RNF157: variants seen among roughly 807,000 people sequenced by gnomAD.
RNF157 encodes the protein E3 ubiquitin ligase RNF157.
RNF157 carries 55 observed loss-of-function variants against 88.3 expected under a neutral mutation model. The observed-to-expected ratio is 0.62, with a 90% confidence interval of 0.50 to 0.78. The LOEUF (loss-of-function observed/expected upper bound fraction) is 0.78. RNF157 is among the 30% of genes least tolerant of loss of function. The probability of loss-of-function intolerance (pLI) is 0.00; values close to 1 mark genes in which losing one functional copy is unlikely to be tolerated. For missense variants in RNF157, 788 were observed against 860.8 expected (o/e 0.92, Z 1.06); for synonymous variants, 334 against 341.2 (o/e 0.98, Z 0.23).
chr17:76,167,888 T>C, intron 3 of RNF157, 91 bp from the exon 4 acceptor site: 1 of 1,233,432 alleles, frequency 8.1e-7, no homozygotes, highest in Non-Finnish European at 1.1e-6. Context: ...TGTGGGCTTC[T>C]CTGAATGATC....
rs908000531 is a variant in RNF157, at chr17:76,226,847, G to C, written c.88+13306C>G. ...TGGAATCGAGTAATGTGCTTAATTC[G>C]AAGGTGTCTTTGTCGGTTACAGCAA... On this transcript the variant is annotated intron_variant, in intron 1 of 18. Transcript: ENST00000269391. The C allele has an allele frequency of 4.2e-6, 6 of 1,445,304 alleles. No individual in the cohort carries two copies. The South Asian group carries it at 5.4e-5, about 13-fold the overall frequency. 89.5% of individuals were successfully genotyped at this position (1,445,304 alleles called of 1,614,324 possible).
At chr17:76,166,295 A>C (rs544683525) in intron 6 of RNF157, among the ~76,000 whole-genome samples, 166 bp downstream of exon 6, 3 of 152,282 alleles carry the variant, frequency 2.0e-5, no homozygotes, top group East Asian at 3.9e-4. Context: ...TTTTCACATC[A>C]GCCCAGGAGC....
intron 1 of RNF157, among the ~76,000 whole-genome samples, chr17:76,223,331 G>A (rs2070021473): frequency 6.6e-6 from 1 of 151,784 alleles, no homozygotes; most frequent in Admixed American, 6.6e-5. Context: ...GGGATTACAG[G>A]CATGTGCCAC....
chr17:76,145,286 G>C lies in RNF157; in HGVS notation c.1989C>G (p.Ser663Arg), dbSNP rs758580631. The C allele has an allele frequency of 1.2e-6, 2 of 1,610,262 alleles. No homozygotes were observed. The highest frequency in any genetic ancestry group is 1.7e-6 in the Non-Finnish European group (2 of 1,178,674). ...AGGGCCTCGTCTCAGAGTCCTCCAG[G>C]CTGCTGGATGACAAGCGCCGGCGCT... is the stretch of plus-strand genomic sequence containing the variant. ...NAQRRRLSSS[S>R]LEDSETRPCV... The change falls in exon 19 of 19, where the codon AGC becomes AGG. Residue 663 changes from serine to arginine, a missense_variant. Physicochemically the swap from Ser to Arg is moderately radical, Grantham distance 110 (BLOSUM62 -1). Coordinates refer to ENST00000269391, the MANE Select transcript of RNF157 (RefSeq NM_052916.3).
rs531073878 is a variant in RNF157, at chr17:76,144,514, A to C, written c.*721T>G. 1 of 152,302 alleles carries C rather than the reference A, an allele frequency of 6.6e-6. No homozygotes were observed. Among genetic ancestry groups the C allele is most frequent in the African/African-American group, 2.4e-5 (1 of 41,510 alleles). 9.4% of individuals were successfully genotyped at this position (152,302 alleles called of 1,614,324 possible). Reference sequence around the variant, plus strand: ...AGTAGAGACGGGGTTTCGCCGTGTTAGCCAGGATGGTCTCGATCTCCTGAT... The same window carrying C: ...AGTAGAGACGGGGTTTCGCCGTGTTCGCCAGGATGGTCTCGATCTCCTGAT... On this transcript the variant is annotated 3_prime_UTR_variant, in exon 19 of 19. Transcript: ENST00000269391.
chr17:76,221,586 G>A (rs1465344184), intron 1 of RNF157, among the ~76,000 whole-genome samples: 2 of 152,130 alleles, frequency 1.3e-5, no homozygotes, highest in Non-Finnish European at 2.9e-5. Context: ...ATATTTTACT[G>A]TATACAATCA....
chr17:76,155,426 G>A (rs972630447), intron 15 of RNF157, 109 bp from the exon 16 acceptor site: 1 of 1,443,552 alleles, frequency 6.9e-7, no homozygotes, highest in Non-Finnish European at 9.7e-7. Flanking sequence ...CAGACCTAAG[G>A]GAATGCCTTG....
At chr17:76,169,506 A>T (rs2068979962) in intron 3 of RNF157, among the ~76,000 whole-genome samples, 1 of 151,664 alleles carries the variant, frequency 6.6e-6, no homozygotes. Flanking sequence ...TCCTGGGCTT[A>T]AGTGATCCTC....
At chr17:76,210,076 G>A (rs2069756496) in intron 2 of RNF157, among the ~76,000 whole-genome samples, 1 of 152,044 alleles carries the variant, frequency 6.6e-6, no homozygotes, top group Admixed American at 6.6e-5. Flanking sequence ...TACTTTCAAA[G>A]CACAAGCTGA....
chr17:76,226,284 C>A (rs2070083400), intron 1 of RNF157: 2 of 1,609,394 alleles, frequency 1.2e-6, no homozygotes, highest in Non-Finnish European at 1.7e-6. Flanking sequence ...AAGGAATGAT[C>A]TGGAGTGGAG....
intron 1 of RNF157, among the ~76,000 whole-genome samples, chr17:76,228,930 A>G (rs1398070109): frequency 1.3e-5 from 2 of 151,358 alleles, no homozygotes; most frequent in African/African-American, 4.9e-5. Context: ...TTTCAAAATA[A>G]TAATAATAAT....
intron 2 of RNF157, among the ~76,000 whole-genome samples, chr17:76,184,654 TG>T (rs1430090516): frequency 3.9e-5 from 6 of 152,180 alleles, no homozygotes; most frequent in African/African-American, 1.4e-4. Flanking sequence ...CCAATCCTCA[TG>T]GGGAGCCAAT....
rs1203483715 is a variant in RNF157 at position 76,176,319 on chromosome 17, G to A, written c.208-2529C>T. On this transcript the variant is annotated intron_variant, in intron 2 of 18. Coordinates refer to ENST00000269391, the MANE Select transcript of RNF157 (RefSeq NM_052916.3). The surrounding 1 kb of genome is among the most constrained non-coding windows in gnomAD (Gnocchi z 4.2). ...TGAGGTAATCTGAAGGCTTCATGGAGGAGTTGGTAGTTGATCTGGGATCCT... is the reference window on the plus strand; with the variant it reads ...TGAGGTAATCTGAAGGCTTCATGGAAGAGTTGGTAGTTGATCTGGGATCCT... Among the ~76,000 whole-genome samples, 1 of 152,158 alleles carries A rather than the reference G, an allele frequency of 6.6e-6. No individual in the cohort carries two copies. Among genetic ancestry groups the A allele is most frequent in the Non-Finnish European group, 1.5e-5 (1 of 68,030 alleles).
chr17:76,234,779 T>C (rs1346576181), intron 1 of RNF157, among the ~76,000 whole-genome samples: 1 of 152,182 alleles, frequency 6.6e-6, no homozygotes, highest in African/African-American at 2.4e-5. Context: ...ATACCTATGA[T>C]TTATAAAAAT....
In RNF157 at chr17:76,219,002, G is replaced by A. The variant is rs989394554; in HGVS notation, c.89-6520C>T. Among the ~76,000 whole-genome samples, 7 of 152,038 alleles carry A rather than the reference G, an allele frequency of 4.6e-5. 1 individual carries two copies. In the South Asian group the frequency reaches 1.5e-3, roughly 32 times the overall value. ...GTACAGCTCTCAAAAAATAAAGAAG[G>A]GGGATGGATAGCAGAGAAAAAGCAG... On this transcript the variant is annotated intron_variant, in intron 1 of 18. Coordinates refer to ENST00000269391, the MANE Select transcript of RNF157 (RefSeq NM_052916.3).
chr17:76,202,953 A>G (rs1052620105), intron 2 of RNF157, among the ~76,000 whole-genome samples: 1 of 152,202 alleles, frequency 6.6e-6, no homozygotes, highest in Non-Finnish European at 1.5e-5. Context: ...ACTGTGAATT[A>G]ATTTATAGAA....
At chr17:76,205,632 G>C (rs189658964) in intron 2 of RNF157, among the ~76,000 whole-genome samples, 1 of 152,192 alleles carries the variant, frequency 6.6e-6, no homozygotes, top group South Asian at 2.1e-4. Context: ...GGCTGAAGCA[G>C]AAGAATTGCT....
chr17:76,182,540 C>T (rs2069206837), intron 2 of RNF157, among the ~76,000 whole-genome samples: 1 of 150,458 alleles, frequency 6.6e-6, no homozygotes, highest in Non-Finnish European at 1.5e-5. Context: ...TATTACACTA[C>T]TCCTACGGTT....
intron 1 of RNF157, among the ~76,000 whole-genome samples, chr17:76,237,032 G>A (rs964712980): frequency 3.3e-5 from 5 of 152,150 alleles, no homozygotes; most frequent in African/African-American, 4.8e-5. Flanking sequence ...CACTGTACAC[G>A]TTTTCATTCT....
Sources: allele counts gnomAD v4.1 joint callset (sites outside exome capture counted in the v4.1 genomes callset), GRCh38; gene constraint gnomAD v4.1.1; non-coding constraint Gnocchi (gnomAD v3.1); transcripts MANE v1.5; gene names NCBI Gene and HGNC (gene_info 2026-07-23, HGNC 2026-07-21).